Variants in ADAMTS15 observed in about 807,000 individuals in gnomAD.
ADAMTS15 encodes ADAM metallopeptidase with thrombospondin type 1 motif 15.
In ADAMTS15, 35 loss-of-function variants were observed where a neutral mutation model predicts 79.1. The ratio of observed to expected loss-of-function variants is 0.44; its 90% CI spans 0.34 to 0.59. The LOEUF is 0.59. Ranked by LOEUF, ADAMTS15 falls within the 20% of genes least tolerant of loss-of-function variation. The pLI is 0.02. For missense variants in ADAMTS15, 1,324 were observed against 1,318.7 expected (o/e 1.00, Z -0.06); for synonymous variants, 616 against 567.3 (o/e 1.09, Z -1.22).
intron 1 of ADAMTS15, among the ~76,000 whole-genome samples, chr11:130,450,650 C>G (rs1937945210): frequency 6.6e-6 from 1 of 152,232 alleles, no homozygotes. Context: ...GAGACTGTTT[C>G]ACTTGGAGTT....
intron 1 of ADAMTS15, among the ~76,000 whole-genome samples, chr11:130,451,120 A>G (rs75438356): frequency 6.6e-6 from 1 of 152,206 alleles, no homozygotes; most frequent in Non-Finnish European, 1.5e-5. Flanking sequence ...GAGCCATCCA[A>G]GTGAGCCTCT....
At position 130,449,649 on chromosome 11, in the gene ADAMTS15, G is replaced by T. The variant is rs1234873327; in HGVS notation, c.676G>T (p.Ala226Ser). 1 of 1,599,240 alleles carries T rather than the reference G, an allele frequency of 6.3e-7. No individual in the cohort carries two copies. Among genetic ancestry groups the T allele is most frequent in the Admixed American group, 1.7e-5 (1 of 57,262 alleles). Residue 226 changes from alanine (A) to serine (S), a missense_variant, in exon 1 of 8, where the codon GCG becomes TCG. Coordinates refer to ENST00000299164, the MANE Select transcript of ADAMTS15 (RefSeq NM_139055.4). The surrounding 1 kb of genome is among the most constrained non-coding windows in gnomAD (Gnocchi z 7.8). ...IPRYVETLVVADESMVKFHGA... is the reference protein window; with the variant it reads ...IPRYVETLVVSDESMVKFHGA... ...GCGGTACGTGGAGACGCTGGTGGTC[G>T]CGGACGAGTCAATGGTCAAGTTCCA...
intron 4 of ADAMTS15, among the ~76,000 whole-genome samples, chr11:130,464,187 G>A (rs752147236): frequency 3.7e-4 from 57 of 152,294 alleles, no homozygotes; most frequent in Non-Finnish European, 6.6e-4. Context: ...CCAGTGCCTC[G>A]TCCTGAGAAG....
At chr11:130,460,390 C>T (rs1395291322) in intron 1 of ADAMTS15, among the ~76,000 whole-genome samples, 1 of 151,956 alleles carries the variant, frequency 6.6e-6, no homozygotes, top group Non-Finnish European at 1.5e-5. Context: ...GATTCTCCTG[C>T]CTCAGCCTCC....
intron 1 of ADAMTS15, 136 bp from the exon 2 acceptor site, chr11:130,461,353 C>G: frequency 7.9e-7 from 1 of 1,264,134 alleles, no homozygotes; most frequent in Non-Finnish European, 1.1e-6. Flanking sequence ...AAGAGCCCAG[C>G]TGGAAGGTGC....
At chr11:130,456,255 C>T (rs916531047) in intron 1 of ADAMTS15, among the ~76,000 whole-genome samples, 4 of 152,108 alleles carry the variant, frequency 2.6e-5, no homozygotes, top group Admixed American at 1.3e-4. Flanking sequence ...TTCTTGTAGG[C>T]GCCCTCTCTC....
chr11:130,467,913 T>C (rs961040438), intron 4 of ADAMTS15, among the ~76,000 whole-genome samples: 1 of 152,196 alleles, frequency 6.6e-6, no homozygotes, highest in East Asian at 1.9e-4. Flanking sequence ...ACGGTGAAAC[T>C]TTCTCAAATA....
Position 130,471,117 on chromosome 11 carries a change from G to C in ADAMTS15, c.1902+16G>C. ...GGCACCCAAGGTGAGTGAGCCTGGG[G>C]CCTGAGAACAAAGTAGGGACCAGGT... On this transcript the variant is annotated intron_variant, in intron 6 of 7. Coordinates refer to ENST00000299164, the MANE Select transcript of ADAMTS15 (RefSeq NM_139055.4). 1 of 1,607,740 alleles carries C rather than the reference G, an allele frequency of 6.2e-7. No individual in the cohort carries two copies. Among genetic ancestry groups the C allele is most frequent in the Middle Eastern group, 1.7e-4 (1 of 6,036 alleles).
At chr11:130,469,113 A>ATTTTTTTTTTTTTTT (rs1672108687) in intron 4 of ADAMTS15, 149 bp from the exon 5 acceptor site, 4 of 798,878 alleles carry the variant, frequency 5.0e-6, no homozygotes, top group Non-Finnish European at 6.9e-6. Context: ...CCATTTGTTT[A>ATTTTTTTTTTTTTTT]TTGTTTTTTC....
rs748326599 is a variant in ADAMTS15 at position 130,473,542 on chromosome 11, C to T, written c.2574C>T (p.Gly858=). ...WGPCSASCGS[G]LQKRAVDCRG... The stretch of plus-strand genomic sequence containing the variant: ...CGTGCTCCGCGAGCTGCGGCAGTGG[C>T]CTGCAGAAGCGGGCGGTGGACTGCC... Residue 858 remains glycine (G), a synonymous_variant, in exon 8 of 8, where the codon GGC becomes GGT. Transcript: ENST00000299164. The T allele has an allele frequency of 1.2e-6, 2 of 1,604,614 alleles. No individual in the cohort carries two copies. The highest frequency in any genetic ancestry group is 1.3e-5 in the African/African-American group (1 of 74,692).
In ADAMTS15 at chr11:130,473,826, G is replaced by A. The variant is rs1316212044; in HGVS notation, c.*5G>A. ...TGCGTCCTGAGGCCGTGCTGAGTGG[G>A]GTCATCGCTTTCTCCCCCTCACTCT... On this transcript the variant is annotated 3_prime_UTR_variant, in exon 8 of 8. Transcript: ENST00000299164. 1 of 1,585,424 alleles carries A rather than the reference G, an allele frequency of 6.3e-7. No individual in the cohort carries two copies. The highest frequency in any genetic ancestry group is 1.7e-5 in the Admixed American group (1 of 59,364).
chr11:130,471,281 G>C lies in ADAMTS15; in HGVS notation c.1976G>C (p.Cys659Ser), dbSNP rs1938450686. The C allele has an allele frequency of 1.9e-6, 3 of 1,613,110 alleles. No individual in the cohort carries two copies. The African/African-American group carries it at 4.0e-5, about 22-fold the overall frequency. ...CVQGKCIKAG[C>S]DGNLGSKKRF... ...CAAGGCAAGTGCATCAAGGCTGGCT[G>C]TGATGGGAACCTGGGCTCCAAGAAG... The change falls in exon 7 of 8, where the codon TGT becomes TCT. Residue 659 changes from cysteine (C) to serine (S), a missense_variant. Physicochemically the swap from Cys to Ser is moderately radical, Grantham distance 112. Coordinates refer to ENST00000299164, the MANE Select transcript of ADAMTS15 (RefSeq NM_139055.4).
chr11:130,462,294 AG>A lies in ADAMTS15; in HGVS notation c.1258+45del, dbSNP rs752181600. Reference sequence around the variant, plus strand: ...CGGGAGGGCAATGAGGCCGCCTCGGAGGGGGCTTTGCTGCTGCCCCTGGTGG... The same window carrying A: ...CGGGAGGGCAATGAGGCCGCCTCGGAGGGGCTTTGCTGCTGCCCCTGGTGG... On this transcript the variant is annotated intron_variant, in intron 3 of 7. Transcript: ENST00000299164. The surrounding 1 kb of genome is among the most constrained non-coding windows in gnomAD (Gnocchi z 4.3). 3.3e-5 allele frequency: 52 copies of A among 1,576,568 alleles called. No individual in the cohort carries two copies. In the African/African-American group the frequency reaches 6.2e-4, roughly 19 times the overall value.
chr11:130,451,928 A>G (rs1488246791), intron 1 of ADAMTS15, among the ~76,000 whole-genome samples: 1 of 152,218 alleles, frequency 6.6e-6, no homozygotes, highest in Non-Finnish European at 1.5e-5. Context: ...AGTGATGTGC[A>G]AAATGTGACT....
chr11:130,469,860 A>G (rs1407893583), intron 5 of ADAMTS15, among the ~76,000 whole-genome samples: 2 of 152,038 alleles, frequency 1.3e-5, no homozygotes, highest in Admixed American at 6.6e-5. Flanking sequence ...CTCTATTTTT[A>G]TTAATGTTTC....
Position 130,473,878 on chromosome 11 carries a change from G to T in ADAMTS15, c.*57G>T, listed in dbSNP as rs1165976942. On this transcript the variant is annotated 3_prime_UTR_variant, in exon 8 of 8. Transcript: ENST00000299164. ...CACCCCACTGATATGCCAGCGTTCT[G>T]CCAGCTGGAGTAGCGGGCAGAGGAC... The T allele has an allele frequency of 1.3e-6, 2 of 1,511,990 alleles. No individual in the cohort carries two copies. The highest frequency in any genetic ancestry group is 1.8e-6 in the Non-Finnish European group (2 of 1,133,538). The allele number at this position is 1,511,990 out of a possible 1,614,324, so 93.7% of individuals were successfully genotyped here.
rs552760671 is a variant in ADAMTS15 at position 130,462,551 on chromosome 11, C to T, written c.1313C>T (p.Pro438Leu). 3.5e-5 allele frequency: 56 copies of T among 1,611,402 alleles called. No homozygotes were observed. The East Asian group carries it at 8.0e-4, about 23-fold the overall frequency. ...CCCATCTCCCTGCCCGAGGATCTGC[C>T]GGGCGCCAGCTACACCCTGAGCCAG... ...SKPISLPEDL[P>L]GASYTLSQQC... is the part of the protein sequence containing the mutation. Residue 438 changes from proline to leucine, a missense_variant, in exon 4 of 8, where the codon CCG becomes CTG. Transcript: ENST00000299164. The surrounding 1 kb of genome is among the most constrained non-coding windows in gnomAD (Gnocchi z 4.3).
chr11:130,449,060 C>A lies in ADAMTS15; in HGVS notation c.87C>A (p.Ile29=). 6.4e-7 allele frequency: 1 copy of A among 1,558,712 alleles called. No homozygotes were observed. ...CAGAGCGGGAGGTAGTCGTTCCCATCCGACTGGACCCGGACATTAACGGCC... is the reference window on the plus strand; with the variant it reads ...CAGAGCGGGAGGTAGTCGTTCCCATACGACTGGACCCGGACATTAACGGCC... ...SEPEREVVVP[I]RLDPDINGRR... Residue 29 remains isoleucine (I), a synonymous_variant, in exon 1 of 8, where the codon ATC becomes ATA. Coordinates refer to ENST00000299164, the MANE Select transcript of ADAMTS15 (RefSeq NM_139055.4). This position sits in a 1 kb window ranked among gnomAD's most constrained non-coding sequence, Gnocchi z 7.8.
chr11:130,473,334 T>A lies in ADAMTS15; in HGVS notation c.2366T>A (p.Met789Lys). ...GTGGAGGTCCTCTCCGTGGGGAAGA[T>A]GACACCGCCCCGGGTCCGCTACTCC... ...LTVEVLSVGK[M>K]TPPRVRYSFY... The change falls in exon 8 of 8, where the codon ATG becomes AAG. Residue 789 changes from methionine to lysine, a missense_variant. Transcript: ENST00000299164. 1 of 1,612,964 alleles carries A rather than the reference T, an allele frequency of 6.2e-7. No individual in the cohort carries two copies.
Sources: allele counts gnomAD v4.1 joint callset (sites outside exome capture counted in the v4.1 genomes callset), GRCh38; gene constraint gnomAD v4.1.1; non-coding constraint Gnocchi (gnomAD v3.1); transcripts MANE v1.5; gene names NCBI Gene and HGNC (gene_info 2026-07-23, HGNC 2026-07-21).